The following BABAM2 variants were observed in gnomAD, a reference collection of about 807,000 sequenced individuals.
BABAM2 encodes BRISC and BRCA1-A complex member 2.
BABAM2 carries 31 observed loss-of-function variants against 54.7 expected under a neutral mutation model. The ratio of observed to expected loss-of-function variants is 0.57; its 90% CI spans 0.43 to 0.77. BABAM2 has a LOEUF of 0.77. Ranked by LOEUF, BABAM2 falls within the 30% of genes least tolerant of loss-of-function variation. The pLI is 0.00. For synonymous variants in BABAM2, 167 were observed against 162.9 expected, an observed-to-expected ratio of 1.03 and a Z score of -0.19; for missense variants, 364 against 455.8, an observed-to-expected ratio of 0.80 and a Z score of 1.83.
At chr2:28,092,371 A>G (rs1314159801) in intron 6 of BABAM2, among the ~76,000 whole-genome samples, 1 of 152,246 alleles carries the variant, frequency 6.6e-6, no homozygotes, top group Non-Finnish European at 1.5e-5. Flanking sequence ...AGCAAGGGAC[A>G]AGATACAAGG....
chr2:28,258,615 C>CTTTTT lies in BABAM2; in HGVS notation c.934+13765_934+13769dup, dbSNP rs70956008. Among the ~76,000 whole-genome samples, 12 of 100,008 alleles carry CTTTTT rather than the reference C, an allele frequency of 1.2e-4. 1 individual carries two copies. Among genetic ancestry groups the CTTTTT allele is most frequent in the African/African-American group, 2.6e-4 (7 of 26,892 alleles). The allele number at this position is 100,008 out of a possible 152,430, so 65.6% of individuals were successfully genotyped here. On this transcript the variant is annotated intron_variant, in intron 10 of 11. Transcript: ENST00000379624. ...CTTAAGTCTTTTTCTTTTTTCTTTT[C>CTTTTT]TTTTTTTTTTTTTTTTGAGACAGGA... is the stretch of plus-strand genomic sequence containing the variant.
intron 6 of BABAM2, among the ~76,000 whole-genome samples, chr2:28,127,167 G>T (rs1669624566): frequency 6.6e-6 from 1 of 151,964 alleles, no homozygotes; most frequent in Non-Finnish European, 1.5e-5. Context: ...GTCAATTTTG[G>T]CTTTTGTTGC....
chr2:28,244,262 A>G (rs1424074081), intron 9 of BABAM2, among the ~76,000 whole-genome samples: 2 of 152,164 alleles, frequency 1.3e-5, no homozygotes, highest in African/African-American at 4.8e-5. Context: ...GAAAAGTAAT[A>G]TATAATACTA....
intron 6 of BABAM2, among the ~76,000 whole-genome samples, chr2:28,124,334 C>T (rs1476288435): frequency 1.3e-5 from 2 of 152,086 alleles, no homozygotes; most frequent in South Asian, 2.1e-4. Context: ...AGTTTCTGTT[C>T]GTTGCAGACC....
intron 7 of BABAM2, among the ~76,000 whole-genome samples, chr2:28,165,229 T>C (rs974516467): frequency 2.6e-5 from 4 of 152,178 alleles, no homozygotes; most frequent in African/African-American, 7.2e-5. Context: ...TTGAGGAATG[T>C]GAAGGGTGTA....
intron 2 of BABAM2, among the ~76,000 whole-genome samples, chr2:27,921,260 A>G (rs1667326996): frequency 6.6e-6 from 1 of 152,116 alleles, no homozygotes; most frequent in Non-Finnish European, 1.5e-5. Flanking sequence ...TATACTTATT[A>G]CTGATAAATA....
chr2:28,083,270 G>A (rs1324597835), intron 6 of BABAM2, among the ~76,000 whole-genome samples: 1 of 152,148 alleles, frequency 6.6e-6, no homozygotes, highest in Non-Finnish European at 1.5e-5. Context: ...CTTAGACTCT[G>A]CTGATTGCAT....
Position 28,323,530 on chromosome 2 carries a change from C to T in BABAM2, c.1089-14920C>T, listed in dbSNP as rs562598113. On this transcript the variant is annotated intron_variant, in intron 11 of 11. Coordinates refer to ENST00000379624, the MANE Select transcript of BABAM2 (RefSeq NM_199191.3). The stretch of plus-strand genomic sequence containing the variant: ...TAGACTGAGCAGTGACCTCAGAAAC[C>T]ATCCCCTCACTTTGCAGATGAGGCA... Among the ~76,000 whole-genome samples, 20 of 152,260 alleles carry T rather than the reference C, an allele frequency of 1.3e-4. No homozygotes were observed. The South Asian group carries it at 4.2e-3, about 32-fold the overall frequency.
intron 11 of BABAM2, chr2:28,327,532 T>C (rs1690580074): frequency 7.0e-7 from 1 of 1,432,140 alleles, no homozygotes; most frequent in African/African-American, 1.4e-5. Flanking sequence ...TCTCAGTCAG[T>C]TGTTGTTGAA....
chr2:28,087,290 C>T (rs1053006590), intron 6 of BABAM2, among the ~76,000 whole-genome samples: 1 of 152,124 alleles, frequency 6.6e-6, no homozygotes, highest in Non-Finnish European at 1.5e-5. Flanking sequence ...ATGTAGGTCC[C>T]ATTTTTACCA....
rs1367835760 is a variant in BABAM2, at chr2:28,026,956, A to AT, written c.495+1537dup. Among the ~76,000 whole-genome samples the AT allele has an allele frequency of 4.9e-3, 26 of 5,352 alleles. 1 individual carries two copies. The highest frequency in any genetic ancestry group is 0.017 in the Non-Finnish European group (17 of 984). 3.5% of individuals were successfully genotyped at this position (5,352 alleles called of 152,430 possible). On this transcript the variant is annotated intron_variant, in intron 5 of 11. Transcript: ENST00000379624. ...TATATATAAATATATATTAATATAT[A>AT]TAAATATATATATAAATATATAAAT...
chr2:28,330,005 C>T (rs1172807833), intron 11 of BABAM2, among the ~76,000 whole-genome samples: 1 of 152,148 alleles, frequency 6.6e-6, no homozygotes, highest in African/African-American at 2.4e-5. Context: ...AGCTTCATCC[C>T]CAGGATGCAA....
intron 7 of BABAM2, among the ~76,000 whole-genome samples, chr2:28,157,536 A>G (rs1672662449): frequency 6.6e-6 from 1 of 152,214 alleles, no homozygotes; most frequent in East Asian, 1.9e-4. Flanking sequence ...AAATACATTA[A>G]CTGATAATCC....
chr2:28,280,788 C>T (rs571873096), intron 10 of BABAM2, among the ~76,000 whole-genome samples: 7 of 151,964 alleles, frequency 4.6e-5, no homozygotes, highest in African/African-American at 1.4e-4. Context: ...TCCATGGAAC[C>T]AATAATAATT....
chr2:28,283,307 C>T (rs988938393), intron 10 of BABAM2, among the ~76,000 whole-genome samples: 2 of 152,150 alleles, frequency 1.3e-5, no homozygotes, highest in African/African-American at 4.8e-5. Flanking sequence ...ATTTCTTGGG[C>T]TCCTTTTTGA....
rs558336233 is a variant in BABAM2 at position 27,947,315 on chromosome 2, T to C, written c.205+17407T>C. 2.0e-5 allele frequency among the ~76,000 whole-genome samples: 3 copies of C among 152,258 alleles called. No individual in the cohort carries two copies. The South Asian group carries it at 6.2e-4, about 32-fold the overall frequency. On this transcript the variant is annotated intron_variant, in intron 3 of 11. Coordinates refer to ENST00000379624, the MANE Select transcript of BABAM2 (RefSeq NM_199191.3). ...TCTGAGCTATATGTCATTGTTTGAT[T>C]TTTTTCCCCCATGGCTGTTCTAGTG...
chr2:28,176,568 T>A (rs1573757818), intron 7 of BABAM2, among the ~76,000 whole-genome samples: 2 of 570 alleles, frequency 3.5e-3, no homozygotes, highest in Admixed American at 0.05. Flanking sequence ...AGACTCTATC[T>A]CAAAAAAAAA....
chr2:27,980,426 C>G (rs1671918725), intron 3 of BABAM2, among the ~76,000 whole-genome samples: 1 of 152,148 alleles, frequency 6.6e-6, no homozygotes, highest in African/African-American at 2.4e-5. Context: ...GTATAACTCC[C>G]CAGGTGTCCA....
intron 6 of BABAM2, among the ~76,000 whole-genome samples, chr2:28,090,354 C>T (rs1000017453): frequency 1.3e-5 from 2 of 152,180 alleles, no homozygotes; most frequent in African/African-American, 4.8e-5. Context: ...AGGTGATTCT[C>T]CTGCCTCAGC....
Sources: allele counts gnomAD v4.1 joint callset (sites outside exome capture counted in the v4.1 genomes callset), GRCh38; gene constraint gnomAD v4.1.1; transcripts MANE v1.5; gene names NCBI Gene and HGNC (gene_info 2026-07-23, HGNC 2026-07-21).